The following GRHPR variants were observed in gnomAD, a reference collection of about 807,000 sequenced individuals.
GRHPR encodes the protein glyoxylate reductase/hydroxypyruvate reductase.
Under a neutral mutation model 36.8 loss-of-function variants are expected in GRHPR, and 35 were observed. The observed-to-expected ratio is 0.95, with a 90% confidence interval of 0.73 to 1.26. The LOEUF (loss-of-function observed/expected upper bound fraction) is 1.26. Ranked by LOEUF, GRHPR falls within the 50% of genes most tolerant of loss-of-function variation. GRHPR has a pLI of 0.00. For synonymous variants in GRHPR, 179 were observed against 181.0 expected (o/e 0.99, Z 0.09); for missense variants, 380 against 435.0 (o/e 0.87, Z 1.12).
chr9:37,436,284 A>AT (rs1823643132), intron 8 of GRHPR, among the ~76,000 whole-genome samples: 1 of 151,858 alleles, frequency 6.6e-6, no homozygotes, highest in Non-Finnish European at 1.5e-5. Flanking sequence ...AAATTTTTGT[A>AT]TTTTTTGTAG....
At chr9:37,425,866 C>CT in intron 2 of GRHPR, 56 bp from the exon 3 acceptor site, 1 of 1,113,584 alleles carries the variant, frequency 9.0e-7, no homozygotes, top group Non-Finnish European at 1.4e-6. Flanking sequence ...GTCCCCAGTG[C>CT]TGTGGCTTTG....
rs1823678428 is a variant in GRHPR, at chr9:37,436,725, T to TAACA, written c.932_935dup (p.Asn312LysfsTer14). The TAACA allele has an allele frequency of 1.2e-6, 2 of 1,614,006 alleles. No homozygotes were observed. Among genetic ancestry groups the TAACA allele is most frequent in the East Asian group, 2.2e-5 (1 of 44,888 alleles). ...GCAACACCATGTCCTTGTTGGCAGCTAACAACTTGCTGGCTGGCCTGAGAG... is the reference window on the plus strand; with the variant it reads ...GCAACACCATGTCCTTGTTGGCAGCTAACAAACAACTTGCTGGCTGGCCTGAGAG... On this transcript the variant is annotated frameshift_variant, in exon 9 of 9. Coordinates refer to ENST00000318158, the MANE Select transcript of GRHPR (RefSeq NM_012203.2). LOFTEE classifies it high-confidence loss of function.
At chr9:37,437,712 T>C (rs1823739044), downstream of GRHPR, among the ~76,000 whole-genome samples, 1 of 149,146 alleles carries the variant, frequency 6.7e-6, no homozygotes, top group Non-Finnish European at 1.5e-5. Flanking sequence ...ATCACCACCT[T>C]ACCCACTTCT....
chr9:37,431,860 C>A (rs537203662), intron 7 of GRHPR, 148 bp from the exon 8 acceptor site: 4 of 791,576 alleles, frequency 5.1e-6, no homozygotes, highest in Non-Finnish European at 8.5e-6. Context: ...ATAAGACTTA[C>A]AGACATACTG....
intron 8 of GRHPR, chr9:37,433,904 C>G: frequency 2.5e-6 from 1 of 397,186 alleles, no homozygotes. Context: ...TCTTCAGCTG[C>G]CTTCCCCAGT....
chr9:37,434,598 G>A (rs975428235), intron 8 of GRHPR: 3 of 228,000 alleles, frequency 1.3e-5, no homozygotes, highest in Admixed American at 5.5e-5. Context: ...GAAGGCCATA[G>A]GACTCCAGTC....
chr9:37,432,310 G>T, intron 8 of GRHPR, 172 bp downstream of exon 8: 1 of 661,016 alleles, frequency 1.5e-6, no homozygotes. Flanking sequence ...TATGACAGGA[G>T]CAGTCCTCTT....
chr9:37,437,068 A>G (rs1286817070), downstream of GRHPR: 1 of 394,730 alleles, frequency 2.5e-6, no homozygotes, highest in Admixed American at 3.6e-5. Flanking sequence ...TAGTCCCAGC[A>G]ACTCAGGAGG....
chr9:37,436,171 C>T (rs1218048655), intron 8 of GRHPR, among the ~76,000 whole-genome samples: 1 of 152,188 alleles, frequency 6.6e-6, no homozygotes, highest in East Asian at 1.9e-4. Flanking sequence ...TGCAATGGTG[C>T]AATCTCAGCT....
intron 1 of GRHPR, among the ~76,000 whole-genome samples, chr9:37,423,361 G>T (rs1381886325): frequency 6.6e-6 from 1 of 151,550 alleles, no homozygotes; most frequent in Non-Finnish European, 1.5e-5. Flanking sequence ...TTGTAGAGAT[G>T]GGGGTCTCAC....
At chr9:37,437,372 C>T (rs1823723373), downstream of GRHPR, among the ~76,000 whole-genome samples, 1 of 152,236 alleles carries the variant, frequency 6.6e-6, no homozygotes, top group Middle Eastern at 3.4e-3. Context: ...CTTATTGGAA[C>T]GTGTCCAAAC....
chr9:37,428,309 G>A (rs1454551579), intron 4 of GRHPR, 175 bp from the exon 5 acceptor site: 2 of 667,320 alleles, frequency 3.0e-6, no homozygotes, highest in Admixed American at 2.2e-5. Context: ...TTTAAAGGTG[G>A]AGTCGTTTCT....
Position 37,436,898 on chromosome 9 carries a change from A to G in GRHPR, c.*116A>G. On this transcript the variant is annotated 3_prime_UTR_variant, in exon 9 of 9. Coordinates refer to ENST00000318158, the MANE Select transcript of GRHPR (RefSeq NM_012203.2). ...AAGGGAAGGTGTGATTCTCTGAGGA[A>G]AGAGTGATTCTGATATATGTACTTG... The G allele has an allele frequency of 8.7e-7, 1 of 1,149,660 alleles. No individual in the cohort carries two copies. The highest frequency in any genetic ancestry group is 1.3e-6 in the Non-Finnish European group (1 of 761,276). The allele number at this position is 1,149,660 out of a possible 1,614,324, so 71.2% of individuals were successfully genotyped here.
chr9:37,435,102 T>C (rs71504530), intron 8 of GRHPR, among the ~76,000 whole-genome samples: 430 of 152,190 alleles, frequency 2.8e-3, no homozygotes, highest in Non-Finnish European at 4.8e-3. Context: ...AAATAAAAAA[T>C]TAGCCATGTG....
At chr9:37,428,420 T>A in intron 4 of GRHPR, 64 bp from the exon 5 acceptor site, 1 of 1,054,846 alleles carries the variant, frequency 9.5e-7, no homozygotes, top group Non-Finnish European at 1.5e-6. Context: ...AGGTGCCGGG[T>A]TCTCAGCGGC....
intron 7 of GRHPR, chr9:37,431,362 G>T (rs534203892): frequency 1.3e-5 from 4 of 311,014 alleles, no homozygotes; most frequent in Admixed American, 9.0e-5. Flanking sequence ...TCGCACTGCT[G>T]GCTGGCAGCA....
At chr9:37,435,575 G>C (rs913959508) in intron 8 of GRHPR, among the ~76,000 whole-genome samples, 2 of 151,340 alleles carry the variant, frequency 1.3e-5, no homozygotes, top group Admixed American at 6.6e-5. Flanking sequence ...TACCAGAGAG[G>C]AGAAGAAACT....
Position 37,422,732 on chromosome 9 carries a change from G to T in GRHPR, c.-19G>T, listed in dbSNP as rs896653505. On this transcript the variant is annotated 5_prime_UTR_variant, in exon 1 of 9. Transcript: ENST00000318158. ...CCAGCTTCTGTACTGCCAGGTCCGG[G>T]TCGGCGGCTGCACTGCGGATGAGAC... 4 of 1,557,738 alleles carry T rather than the reference G, an allele frequency of 2.6e-6. No individual in the cohort carries two copies. Among genetic ancestry groups the T allele is most frequent in the Non-Finnish European group, 3.5e-6 (4 of 1,149,534 alleles).
intron 8 of GRHPR, 71 bp from the exon 9 acceptor site, chr9:37,436,590 T>C (rs1050558257): frequency 1.9e-6 from 3 of 1,578,942 alleles, no homozygotes; most frequent in Non-Finnish European, 2.6e-6. Context: ...ACCCAAGCCA[T>C]GAAAACAGCC....
Sources: gnomAD v4.1 joint callset for allele counts (sites outside exome capture counted in the v4.1 genomes callset) on GRCh38, gnomAD v4.1.1 for gene constraint, MANE v1.5 for transcripts, NCBI Gene and HGNC (gene_info 2026-07-23, HGNC 2026-07-21) for gene names.